ADCK1: variants seen among roughly 807,000 people sequenced by gnomAD.
The protein encoded by ADCK1 is aarF domain containing kinase 1.
A neutral mutation model predicts 52.3 loss-of-function variants in ADCK1; 41 were observed. That is an observed-to-expected ratio of 0.78 (90% CI 0.61 to 1.02). The LOEUF (loss-of-function observed/expected upper bound fraction) is 1.02. Ranked by LOEUF, ADCK1 falls within the 50% of genes least tolerant of loss-of-function variation. ADCK1 has a pLI of 0.00. For missense variants in ADCK1, 658 were observed against 679.5 expected, an observed-to-expected ratio of 0.97 and a Z score of 0.35; for synonymous variants, 250 against 274.6, an observed-to-expected ratio of 0.91 and a Z score of 0.89.
chr14:77,933,188 T>A, intron 10 of ADCK1, 32 bp from the exon 11 acceptor site: 1 of 1,604,984 alleles, frequency 6.2e-7, no homozygotes, highest in Non-Finnish European at 8.5e-7. Context: ...CCTCTTTATC[T>A]CTTTTCTCCT....
At chr14:77,904,755 A>G (rs1051775794) in intron 6 of ADCK1, among the ~76,000 whole-genome samples, 3 of 151,088 alleles carry the variant, frequency 2.0e-5, no homozygotes, top group African/African-American at 7.3e-5. Flanking sequence ...AGGGGTCCTA[A>G]TGGTCAGGGT....
chr14:77,885,370 G>A (rs2083125340), intron 4 of ADCK1, among the ~76,000 whole-genome samples: 1 of 152,232 alleles, frequency 6.6e-6, no homozygotes. Context: ...CAACCAGGAT[G>A]AAGGGGGCCA....
rs2082832129 is a variant in ADCK1, at chr14:77,873,535, A to G, written c.424-13556A>G. Among the ~76,000 whole-genome samples, 3 of 152,124 alleles carry G rather than the reference A, an allele frequency of 2.0e-5. No individual in the cohort carries two copies. In the South Asian group the frequency reaches 6.2e-4, roughly 32 times the overall value. ...GGTGGAGAACTGGACTTGAGTATGT[A>G]CTTGTGTTTGAATGTGTGCACTTGT... is the stretch of plus-strand genomic sequence containing the variant. On this transcript the variant is annotated intron_variant, in intron 4 of 10. Coordinates refer to ENST00000238561, the MANE Select transcript of ADCK1 (RefSeq NM_020421.4).
chr14:77,874,548 G>C (rs746914739), intron 4 of ADCK1, among the ~76,000 whole-genome samples: 1 of 152,214 alleles, frequency 6.6e-6, no homozygotes, highest in Non-Finnish European at 1.5e-5. Flanking sequence ...ATGTCTCCCA[G>C]GCTGGGGTGG....
Position 77,832,726 on chromosome 14 carries a change from G to A in ADCK1, c.219+10208G>A, listed in dbSNP as rs902159984. 2.0e-5 allele frequency among the ~76,000 whole-genome samples: 3 copies of A among 152,342 alleles called. No individual in the cohort carries two copies. The South Asian group carries it at 6.2e-4, about 32-fold the overall frequency. On this transcript the variant is annotated intron_variant, in intron 3 of 10. Transcript: ENST00000238561. ...TGATAGGTGCTGGCTCTTTGCTTCA[G>A]GAAAGAGTTTCAACTCTGAAGCTAT...
chr14:77,826,168 C>T (rs189403418), intron 3 of ADCK1, among the ~76,000 whole-genome samples: 9 of 152,284 alleles, frequency 5.9e-5, no homozygotes, highest in Non-Finnish European at 8.8e-5. Context: ...GGTGTAGGCC[C>T]GTCTCTGGGA....
At chr14:77,850,743 C>T (rs916050833) in intron 3 of ADCK1, among the ~76,000 whole-genome samples, 14 of 150,818 alleles carry the variant, frequency 9.3e-5, no homozygotes, top group Non-Finnish European at 1.3e-4. Flanking sequence ...CTCCACCTCC[C>T]GGATTCACGC....
At chr14:77,823,529 T>C (rs2081625082) in intron 3 of ADCK1, among the ~76,000 whole-genome samples, 1 of 152,108 alleles carries the variant, frequency 6.6e-6, no homozygotes, top group Non-Finnish European at 1.5e-5. Flanking sequence ...ACTATCAACA[T>C]TTTGCCCATC....
intron 7 of ADCK1, among the ~76,000 whole-genome samples, chr14:77,911,334 T>A (rs2083786855): frequency 6.6e-6 from 1 of 152,126 alleles, no homozygotes; most frequent in Non-Finnish European, 1.5e-5. Context: ...CAAAGGTAAA[T>A]GTGTGTTTTG....
intron 4 of ADCK1, among the ~76,000 whole-genome samples, chr14:77,871,898 A>G (rs181340199): frequency 5.3e-5 from 8 of 152,352 alleles, no homozygotes; most frequent in Admixed American, 4.6e-4. Context: ...TCTCATGCCT[A>G]AGTCACTCAG....
chr14:77,908,970 G>A (rs1303245075), intron 7 of ADCK1, among the ~76,000 whole-genome samples: 2 of 152,100 alleles, frequency 1.3e-5, no homozygotes, highest in Non-Finnish European at 2.9e-5. Context: ...CAGGGCTGGG[G>A]CAGGATTCCT....
intron 4 of ADCK1, among the ~76,000 whole-genome samples, chr14:77,886,403 G>A (rs184423154): frequency 3.3e-5 from 5 of 152,368 alleles, no homozygotes; most frequent in Admixed American, 1.3e-4. Context: ...TTGTCCATAT[G>A]TAAGAGCCTA....
chr14:77,891,466 C>T (rs529823754), intron 5 of ADCK1, among the ~76,000 whole-genome samples: 1 of 152,300 alleles, frequency 6.6e-6, no homozygotes, highest in African/African-American at 2.4e-5. Context: ...GGACAGCTGT[C>T]GCTTTTTCTT....
rs190483450 is a variant in ADCK1, at chr14:77,858,011, C to T, written c.220-1065C>T. 2.6e-3 allele frequency among the ~76,000 whole-genome samples: 403 copies of T among 152,182 alleles called. 1 individual carries two copies. Among genetic ancestry groups the T allele is most frequent in the African/African-American group, 9.2e-3 (384 of 41,520 alleles). On this transcript the variant is annotated intron_variant, in intron 3 of 10. Coordinates refer to ENST00000238561, the MANE Select transcript of ADCK1 (RefSeq NM_020421.4). ...GGATGACTGTGGATATGCAGCCTGG[C>T]GGCAGATGGGGCCACCTCCCAACTC... is the stretch of plus-strand genomic sequence containing the variant.
At chr14:77,922,018 G>A (rs2084074111) in intron 7 of ADCK1, among the ~76,000 whole-genome samples, 1 of 152,212 alleles carries the variant, frequency 6.6e-6, no homozygotes. Flanking sequence ...ATCTTGGGCT[G>A]ATCAGGAGCC....
chr14:77,866,507 G>A (rs2082664049), intron 4 of ADCK1, among the ~76,000 whole-genome samples: 1 of 152,166 alleles, frequency 6.6e-6, no homozygotes, highest in Non-Finnish European at 1.5e-5. Flanking sequence ...GTTACCTGGG[G>A]GGCAGCTCAG....
Position 77,817,854 on chromosome 14 carries a change from G to A in ADCK1, c.-11-1114G>A, listed in dbSNP as rs2081492303. Among the ~76,000 whole-genome samples, 3 of 151,710 alleles carry A rather than the reference G, an allele frequency of 2.0e-5. No homozygotes were observed. In the South Asian group the frequency reaches 6.2e-4, roughly 32 times the overall value. ...GGGTTCACGCCATTCTCCTGCCTTAGCCTCCCGAGTAGCTGGGACTACAGG... is the reference window on the plus strand; with the variant it reads ...GGGTTCACGCCATTCTCCTGCCTTAACCTCCCGAGTAGCTGGGACTACAGG... On this transcript the variant is annotated intron_variant, in intron 1 of 10. Coordinates refer to ENST00000238561, the MANE Select transcript of ADCK1 (RefSeq NM_020421.4).
At chr14:77,818,691 A>C (rs972322863) in intron 1 of ADCK1, among the ~76,000 whole-genome samples, 3 of 152,106 alleles carry the variant, frequency 2.0e-5, no homozygotes, top group Non-Finnish European at 2.9e-5. Flanking sequence ...GTCTTTCCCC[A>C]TGTCTAGAAC....
At chr14:77,831,954 T>G (rs1356511863) in intron 3 of ADCK1, among the ~76,000 whole-genome samples, 3 of 151,154 alleles carry the variant, frequency 2.0e-5, no homozygotes, top group African/African-American at 7.3e-5. Context: ...CATGTGGAAG[T>G]AGAGTTCTGT....
Sources: allele counts gnomAD v4.1 joint callset (sites outside exome capture counted in the v4.1 genomes callset), GRCh38; gene constraint gnomAD v4.1.1; transcripts MANE v1.5; gene names NCBI Gene and HGNC (gene_info 2026-07-23, HGNC 2026-07-21).